Variants in ZEB1 observed in about 807,000 individuals in gnomAD.
ZEB1 encodes the protein zinc finger E-box binding homeobox 1.
Under a neutral mutation model 84.9 loss-of-function variants are expected in ZEB1, and 21 were observed. The ratio of observed to expected loss-of-function variants is 0.25; its 90% CI spans 0.18 to 0.36. ZEB1 has a LOEUF of 0.36. ZEB1 is among the 10% of genes least tolerant of loss of function. The pLI, the probability that ZEB1 is intolerant of heterozygous loss-of-function variation, is 1.00. For synonymous variants in ZEB1, 420 were observed against 471.1 expected, an observed-to-expected ratio of 0.89 and a Z score of 1.41; for missense variants, 1,104 against 1,330.2, an observed-to-expected ratio of 0.83 and a Z score of 2.65.
In ZEB1 at chr10:31,521,653, C is replaced by T. The variant is rs201927623; in HGVS notation, c.2321C>T (p.Ala774Val). 15 of 1,613,818 alleles carry T rather than the reference C, an allele frequency of 9.3e-6. No homozygotes were observed. The highest frequency in any genetic ancestry group is 1.2e-5 in the Non-Finnish European group (14 of 1,179,974). Reference sequence around the variant, plus strand: ...GAAGAACCCTTGAACTTGTCTTGCGCAAAAAAGGAGCCACAAAAGGACAGT... The same window carrying T: ...GAAGAACCCTTGAACTTGTCTTGCGTAAAAAAGGAGCCACAAAAGGACAGT... Reference protein sequence around the residue: ...VQEEPLNLSCAKKEPQKDSCV... With the variant: ...VQEEPLNLSCVKKEPQKDSCV... The change falls in exon 7 of 9, where the codon GCA (alanine) becomes GTA (valine). Residue 774 changes from alanine to valine, a missense_variant. Ala to Val is a moderately conservative substitution (Grantham distance 64). Coordinates refer to ENST00000424869, the MANE Select transcript of ZEB1 (RefSeq NM_001174096.2).
chr10:31,423,056 A>G (rs1031310620), intron 1 of ZEB1, among the ~76,000 whole-genome samples: 2 of 151,996 alleles, frequency 1.3e-5, no homozygotes, highest in African/African-American at 2.4e-5. Context: ...ATATATATAC[A>G]TGTATATATA....
intron 6 of ZEB1, among the ~76,000 whole-genome samples, chr10:31,519,215 A>G (rs1230006486): frequency 2.0e-5 from 3 of 152,216 alleles, no homozygotes; most frequent in African/African-American, 7.2e-5. Flanking sequence ...CCTTTAAATT[A>G]TAAATTAGTG....
At chr10:31,424,764 C>A (rs2056709303) in intron 1 of ZEB1, among the ~76,000 whole-genome samples, 1 of 151,942 alleles carries the variant, frequency 6.6e-6, no homozygotes, top group Non-Finnish European at 1.5e-5. Context: ...TCTGTTTTGA[C>A]ATGTGGTTTG....
Position 31,431,997 on chromosome 10 carries a change from A to G in ZEB1, c.59-29040A>G, listed in dbSNP as rs372283119. ...AGGAATATATTGAAATATCATGTGT[A>G]TGTGGATACAGATATCAGTATTCTG... On this transcript the variant is annotated intron_variant, in intron 1 of 8. Coordinates refer to ENST00000424869, the MANE Select transcript of ZEB1 (RefSeq NM_001174096.2). 2.5e-4 allele frequency among the ~76,000 whole-genome samples: 38 copies of G among 152,346 alleles called. 1 individual carries two copies. Among genetic ancestry groups the G allele is most frequent in the African/African-American group, 8.2e-4 (34 of 41,582 alleles).
At chr10:31,319,836 C>T (rs979509806) in intron 1 of ZEB1, 10 of 148,498 alleles carry the variant, frequency 6.7e-5, no homozygotes, top group Admixed American at 1.3e-4. Context: ...CCGGCCGGCG[C>T]CGTCGCTGTC....
At position 31,520,837 on chromosome 10, in the gene ZEB1, A is replaced by G; in HGVS notation, c.1505A>G (p.Asn502Ser). 1.9e-6 allele frequency: 3 copies of G among 1,614,114 alleles called. No individual in the cohort carries two copies. The highest frequency in any genetic ancestry group is 2.5e-6 in the Non-Finnish European group (3 of 1,180,000). The part of the protein sequence containing the change: ...NLKKENPVAT[N>S]SCKSEKLPED... ...AAAAAAGAAAATCCAGTCGCTACAA[A>G]CAGTTGTAAAAGTGAAAAGTTACCA... Residue 502 changes from asparagine (N) to serine (S), a missense_variant, in exon 7 of 9, where the codon AAC becomes AGC. Physicochemically the swap from Asn to Ser is conservative, Grantham distance 46. Around this residue, in one of 7 missense-constraint regions of ZEB1, gnomAD observed 531 missense variants for 575.2 expected, o/e 0.92. Coordinates refer to ENST00000424869, the MANE Select transcript of ZEB1 (RefSeq NM_001174096.2). This position sits in a 1 kb window ranked among gnomAD's most constrained non-coding sequence, Gnocchi z 5.1.
intron 2 of ZEB1, among the ~76,000 whole-genome samples, chr10:31,473,761 A>C (rs1335457700): frequency 2.0e-4 from 30 of 150,546 alleles, no homozygotes; most frequent in African/African-American, 7.4e-5. Flanking sequence ...AGTCAATCCT[A>C]AGCCAAAAGA....
intron 1 of ZEB1, among the ~76,000 whole-genome samples, chr10:31,453,904 T>G (rs1050546703): frequency 1.3e-5 from 2 of 152,178 alleles, no homozygotes; most frequent in African/African-American, 2.4e-5. Flanking sequence ...CCCGAACTCA[T>G]TTTATGAGGC....
At chr10:31,446,668 G>GT (rs2059823843) in intron 1 of ZEB1, among the ~76,000 whole-genome samples, 1 of 152,038 alleles carries the variant, frequency 6.6e-6, no homozygotes, top group African/African-American at 2.4e-5. Flanking sequence ...ATTTCGTTAG[G>GT]TACCCAGTAG....
intron 2 of ZEB1, among the ~76,000 whole-genome samples, chr10:31,492,280 C>T (rs147561682): frequency 6.6e-6 from 1 of 151,770 alleles, no homozygotes; most frequent in Non-Finnish European, 1.5e-5. Context: ...CCCATGTAAT[C>T]GTTTCTCATT....
intron 1 of ZEB1, among the ~76,000 whole-genome samples, chr10:31,436,115 G>A (rs2058269034): frequency 6.6e-6 from 1 of 152,180 alleles, no homozygotes; most frequent in Non-Finnish European, 1.5e-5. Flanking sequence ...GATAATGTAT[G>A]CAGTCGGGAG....
chr10:31,330,478 C>T (rs751881027), intron 1 of ZEB1, among the ~76,000 whole-genome samples: 9 of 152,128 alleles, frequency 5.9e-5, no homozygotes, highest in Non-Finnish European at 1.0e-4. Flanking sequence ...TAGGGGAATG[C>T]GAGTGTTGTC....
intron 3 of ZEB1, among the ~76,000 whole-genome samples, chr10:31,497,962 T>TAGATAGATAGAC (rs1554910926): frequency 6.6e-6 from 1 of 150,648 alleles, no homozygotes; most frequent in Non-Finnish European, 1.5e-5. Flanking sequence ...GATAGATAGA[T>TAGATAGATAGAC]AGATAGATAG....
intron 2 of ZEB1, among the ~76,000 whole-genome samples, chr10:31,487,329 T>A (rs2065879293): frequency 6.6e-6 from 1 of 151,474 alleles, no homozygotes; most frequent in South Asian, 2.1e-4. Flanking sequence ...AATATGCAGA[T>A]CAATTTGGAG....
chr10:31,510,457 T>G (rs2139497352), intron 4 of ZEB1, among the ~76,000 whole-genome samples: 1 of 152,310 alleles, frequency 6.6e-6, no homozygotes, highest in South Asian at 2.1e-4. Context: ...CTTCATCATT[T>G]TCTGGCTCTG....
chr10:31,345,561 C>A (rs2040160981), intron 1 of ZEB1, among the ~76,000 whole-genome samples: 2 of 152,102 alleles, frequency 1.3e-5, no homozygotes, highest in Admixed American at 6.6e-5. Flanking sequence ...ACTGCTAACA[C>A]CTTTTATGGG....
intron 1 of ZEB1, among the ~76,000 whole-genome samples, chr10:31,378,815 G>A (rs910182704): frequency 6.6e-6 from 1 of 152,000 alleles, no homozygotes; most frequent in Non-Finnish European, 1.5e-5. Context: ...CTTTGTATAA[G>A]AGGGGATACA....
intron 4 of ZEB1, among the ~76,000 whole-genome samples, chr10:31,502,717 G>C (rs2068336476): frequency 6.6e-6 from 1 of 152,178 alleles, no homozygotes; most frequent in Non-Finnish European, 1.5e-5. Flanking sequence ...TATTGTGGTA[G>C]TAATGCCACT....
At chr10:31,321,319 C>T (rs548181933) in intron 1 of ZEB1, 2 of 1,416,780 alleles carry the variant, frequency 1.4e-6, no homozygotes, top group African/African-American at 1.4e-5. Flanking sequence ...TCACTGCTTT[C>T]GTGATTTTAA....
Sources: gnomAD v4.1 joint callset for allele counts (sites outside exome capture counted in the v4.1 genomes callset) on GRCh38, gnomAD v4.1.1 for gene constraint, gnomAD v4.1.1 regional missense constraint, Gnocchi (gnomAD v3.1) non-coding constraint, MANE v1.5 for transcripts, NCBI Gene and HGNC (gene_info 2026-07-23, HGNC 2026-07-21) for gene names.